Variants in CDYL2 observed in about 807,000 individuals in gnomAD.
CDYL2 encodes the protein chromodomain Y like 2, also known as chromodomain Y-like protein 2.
Under a neutral mutation model 49.4 loss-of-function variants are expected in CDYL2, and 23 were observed. That is an observed-to-expected ratio of 0.47 (90% CI 0.34 to 0.66). The LOEUF is 0.66. Ranked by LOEUF, CDYL2 falls within the 30% of genes least tolerant of loss-of-function variation. CDYL2 has a pLI of 0.01. For synonymous variants in CDYL2, 360 were observed against 268.8 expected (o/e 1.34, Z -3.32); for missense variants, 678 against 656.4 (o/e 1.03, Z -0.36).
intron 2 of CDYL2, among the ~76,000 whole-genome samples, chr16:80,638,168 A>T (rs1237816477): frequency 6.6e-6 from 1 of 151,944 alleles, no homozygotes; most frequent in East Asian, 1.9e-4. Context: ...TCAACCTCCT[A>T]GGCTCAAACT....
chr16:80,718,518 A>G (rs1904887433), intron 1 of CDYL2, among the ~76,000 whole-genome samples: 1 of 152,194 alleles, frequency 6.6e-6, no homozygotes, highest in African/African-American at 2.4e-5. Context: ...TCTGATGCCT[A>G]AGATCTGCAT....
At chr16:80,741,702 A>C (rs1905741448) in intron 1 of CDYL2, among the ~76,000 whole-genome samples, 1 of 152,260 alleles carries the variant, frequency 6.6e-6, no homozygotes, top group South Asian at 2.1e-4. Context: ...AAGATATTTA[A>C]ATTCACCAGT....
chr16:80,639,191 C>T (rs1907971167), intron 2 of CDYL2, among the ~76,000 whole-genome samples: 1 of 152,190 alleles, frequency 6.6e-6, no homozygotes, highest in South Asian at 2.1e-4. Context: ...ATCCAAAAAC[C>T]CAACAACACC....
Position 80,601,611 on chromosome 16 carries a change from T to A in CDYL2, c.*2777A>T, listed in dbSNP as rs913553805. The A allele has an allele frequency of 5.9e-5, 9 of 152,180 alleles. No individual in the cohort carries two copies. In the South Asian group the frequency reaches 1.9e-3, roughly 32 times the overall value. The allele number at this position is 152,180 out of a possible 1,614,324, so 9.4% of individuals were successfully genotyped here. ...GGATAAACCCTGACACAACCAGAGG[T>A]CTGGTATTTTCCATCCCAAATCTAT... On this transcript the variant is annotated 3_prime_UTR_variant, in exon 7 of 7. Coordinates refer to ENST00000570137, the MANE Select transcript of CDYL2 (RefSeq NM_152342.4).
intron 1 of CDYL2, among the ~76,000 whole-genome samples, chr16:80,730,820 C>A (rs1364126319): frequency 6.6e-6 from 1 of 152,064 alleles, no homozygotes; most frequent in Non-Finnish European, 1.5e-5. Flanking sequence ...GGATGAATCT[C>A]AGAGTAATTA....
chr16:80,598,589 C>T lies in CDYL2; in HGVS notation c.*5799G>A, dbSNP rs541438460. 3.8e-4 allele frequency: 58 copies of T among 152,200 alleles called. No homozygotes were observed. The highest frequency in any genetic ancestry group is 1.4e-3 in the African/African-American group (58 of 41,498). 9.4% of individuals were successfully genotyped at this position (152,200 alleles called of 1,614,324 possible). On this transcript the variant is annotated 3_prime_UTR_variant, in exon 7 of 7. Coordinates refer to ENST00000570137, the MANE Select transcript of CDYL2 (RefSeq NM_152342.4). Reference sequence around the variant, plus strand: ...TATAGACATGTCTGAAAAATTCTTACCCTGGAGGTTCATATTCAGATGGAG... The same window carrying T: ...TATAGACATGTCTGAAAAATTCTTATCCTGGAGGTTCATATTCAGATGGAG...
intron 5 of CDYL2, among the ~76,000 whole-genome samples, chr16:80,611,577 G>A (rs1235910713): frequency 6.6e-6 from 1 of 152,204 alleles, no homozygotes; most frequent in East Asian, 1.9e-4. Flanking sequence ...TAACCCCTCA[G>A]ATGTGGGACC....
chr16:80,631,984 T>C (rs1907585297), intron 3 of CDYL2, among the ~76,000 whole-genome samples: 1 of 152,190 alleles, frequency 6.6e-6, no homozygotes, highest in African/African-American at 2.4e-5. Context: ...GTTTTTGCAG[T>C]TCCTCGAAAA....
rs181276413 is a variant in CDYL2 at position 80,772,839 on chromosome 16, A to G, written c.24+31311T>C. 4.4e-4 allele frequency among the ~76,000 whole-genome samples: 67 copies of G among 152,318 alleles called. No homozygotes were observed. In the Middle Eastern group the frequency reaches 0.01, roughly 23 times the overall value. On this transcript the variant is annotated intron_variant, in intron 1 of 6. Transcript: ENST00000570137. ...CTAAAAGAAAAGAAAAAATAACAGA[A>G]AAAATGGAATAATGTTCTCAGTCAA...
intron 1 of CDYL2, among the ~76,000 whole-genome samples, chr16:80,751,948 A>G (rs1906151814): frequency 6.6e-6 from 1 of 152,194 alleles, no homozygotes; most frequent in African/African-American, 2.4e-5. Context: ...GAAGGAAACA[A>G]CCACCCATGG....
At chr16:80,725,664 C>G (rs536849275) in intron 1 of CDYL2, among the ~76,000 whole-genome samples, 2 of 152,336 alleles carry the variant, frequency 1.3e-5, no homozygotes, top group East Asian at 3.9e-4. Flanking sequence ...CCACAAGAAA[C>G]TCTGTACGAC....
chr16:80,791,825 G>C (rs144436534), intron 1 of CDYL2, among the ~76,000 whole-genome samples: 3 of 152,258 alleles, frequency 2.0e-5, no homozygotes, highest in East Asian at 3.9e-4. Flanking sequence ...AATCAGGAAA[G>C]AGACATAATA....
chr16:80,759,124 A>ATATATATATATATATATATATATGGTTTT (rs1567597509), intron 1 of CDYL2, among the ~76,000 whole-genome samples: 9 of 133,200 alleles, frequency 6.8e-5, no homozygotes, highest in African/African-American at 2.3e-4. Context: ...ATATATATAT[A>ATATATATATATATATATATATATGGTTTT]TATATATATA....
chr16:80,764,903 A>G (rs1259675715), intron 1 of CDYL2, among the ~76,000 whole-genome samples: 2 of 151,550 alleles, frequency 1.3e-5, no homozygotes, highest in Non-Finnish European at 2.9e-5. Flanking sequence ...TACTAAAAAT[A>G]CAAAAAATTA....
Position 80,644,502 on chromosome 16 carries a change from T to C in CDYL2, c.617-11266A>G, listed in dbSNP as rs144608095. 2.4e-4 allele frequency among the ~76,000 whole-genome samples: 37 copies of C among 152,232 alleles called. No homozygotes were observed. In the East Asian group the frequency reaches 6.8e-3, roughly 28 times the overall value. On this transcript the variant is annotated intron_variant, in intron 2 of 6. Coordinates refer to ENST00000570137, the MANE Select transcript of CDYL2 (RefSeq NM_152342.4). ...TCATGCTGCTGATAAAGACACTGGG[T>C]AGACTGGGGAACAAAAGAGGTTTAA...
In CDYL2 at chr16:80,742,002, C is replaced by T. The variant is rs1320287603; in HGVS notation, c.25-56873G>A. 4 of 152,232 alleles carry T rather than the reference C, an allele frequency of 2.6e-5. No individual in the cohort carries two copies. The East Asian group carries it at 5.8e-4, about 22-fold the overall frequency. 9.4% of individuals were successfully genotyped at this position (152,232 alleles called of 1,614,324 possible). ...ATCACCACGTTATGGGAACCATGTG[C>T]ACTTACTAGGCACAGTTCTATGCTT... is the stretch of plus-strand genomic sequence containing the variant. On this transcript the variant is annotated intron_variant, in intron 1 of 6. Transcript: ENST00000570137.
At chr16:80,695,460 G>A (rs1299425691) in intron 1 of CDYL2, among the ~76,000 whole-genome samples, 7 of 152,270 alleles carry the variant, frequency 4.6e-5, no homozygotes, top group African/African-American at 1.4e-4. Context: ...AAGAATGACT[G>A]AATGAACTAA....
At chr16:80,731,302 T>C (rs1328612480) in intron 1 of CDYL2, among the ~76,000 whole-genome samples, 1 of 151,976 alleles carries the variant, frequency 6.6e-6, no homozygotes, top group African/African-American at 2.4e-5. Context: ...TCTTCTGAAA[T>C]ATAAGACAGT....
chr16:80,798,242 C>T (rs1254259944), intron 1 of CDYL2, among the ~76,000 whole-genome samples: 2 of 152,126 alleles, frequency 1.3e-5, no homozygotes, highest in African/African-American at 4.8e-5. Flanking sequence ...GGGGTTTCTC[C>T]ATGTCACCCA....
Sources: gnomAD v4.1 joint callset for allele counts (sites outside exome capture counted in the v4.1 genomes callset) on GRCh38, gnomAD v4.1.1 for gene constraint, MANE v1.5 for transcripts, NCBI Gene and HGNC (gene_info 2026-07-23, HGNC 2026-07-21) for gene names.